The following CMIP variants were observed in gnomAD, a reference collection of about 807,000 sequenced individuals.
CMIP encodes the protein c-Maf inducing protein, also known as C-Maf-inducing protein.
Under a neutral mutation model 97.3 loss-of-function variants are expected in CMIP, and 13 were observed. The ratio of observed to expected loss-of-function variants is 0.13; its 90% confidence interval spans 0.09 to 0.21. The LOEUF is 0.21. Among genes scored for constraint, CMIP ranks in the 10% least tolerant of loss-of-function variants. The pLI, the probability that CMIP is intolerant of heterozygous loss-of-function variation, is 1.00. For synonymous variants in CMIP, 538 were observed against 436.3 expected, an observed-to-expected ratio of 1.23 and a Z score of -2.91; for missense variants, 847 against 1,024.9, an observed-to-expected ratio of 0.83 and a Z score of 2.37.
At chr16:81,696,512 C>A in intron 13 of CMIP, 48 bp from the exon 14 acceptor site, 1 of 1,556,672 alleles carries the variant, frequency 6.4e-7, no homozygotes, top group Non-Finnish European at 8.7e-7. Flanking sequence ...TCGCCCTTGT[C>A]ACCGGGGCTG....
At chr16:81,541,075 C>G (rs1309163486) in intron 1 of CMIP, among the ~76,000 whole-genome samples, 3 of 151,164 alleles carry the variant, frequency 2.0e-5, no homozygotes, top group Non-Finnish European at 4.4e-5. Context: ...TAAATAAACA[C>G]AATTCAATTA....
At position 81,691,299 on chromosome 16, in the gene CMIP, G is replaced by A. The variant is rs562579448; in HGVS notation, c.1389-476G>A. Among the ~76,000 whole-genome samples the A allele has an allele frequency of 7.9e-5, 12 of 152,256 alleles. No homozygotes were observed. The South Asian group carries it at 2.3e-3, about 29-fold the overall frequency. ...GAGTCCTGGCTGGTCTTTGCTCTGC[G>A]TGTCCGTGTTTCCTCTTCTTCTAAG... On this transcript the variant is annotated intron_variant, in intron 10 of 20. Coordinates refer to ENST00000537098, the MANE Select transcript of CMIP (RefSeq NM_198390.3).
chr16:81,694,995 C>A (rs1470953009), intron 13 of CMIP, among the ~76,000 whole-genome samples: 2 of 152,222 alleles, frequency 1.3e-5, no homozygotes, highest in South Asian at 2.1e-4. Context: ...CTCCTGGGAA[C>A]TGAGCCTTAA....
At chr16:81,490,151 G>GGAAC in intron 1 of CMIP, among the ~76,000 whole-genome samples, 1 of 152,290 alleles carries the variant, frequency 6.6e-6, no homozygotes, top group African/African-American at 2.4e-5. Context: ...TGTAGCTAAA[G>GGAAC]GTTCCTGTTC....
intron 6 of CMIP, 124 bp from the exon 7 acceptor site, chr16:81,664,145 C>T (rs2092577970): frequency 7.7e-6 from 6 of 775,262 alleles, no homozygotes; most frequent in South Asian, 1.9e-5. Flanking sequence ...GCAGTGCAGC[C>T]GTGTTCATCA....
chr16:81,686,623 A>G (rs185193902), intron 10 of CMIP, among the ~76,000 whole-genome samples: 28 of 152,324 alleles, frequency 1.8e-4, no homozygotes, highest in African/African-American at 6.7e-4. Flanking sequence ...CGCGTCTGGC[A>G]TCGGAGCCTT....
At chr16:81,692,808 C>T (rs143524870) in intron 11 of CMIP, among the ~76,000 whole-genome samples, 555 of 152,328 alleles carry the variant, frequency 3.6e-3, no homozygotes, top group Middle Eastern at 6.8e-3. Context: ...GAGTGCCGCC[C>T]GCCTTAATCG....
intron 1 of CMIP, among the ~76,000 whole-genome samples, chr16:81,514,264 G>A (rs2089868766): frequency 6.6e-6 from 1 of 152,214 alleles, no homozygotes. Context: ...CAGGCAGGGA[G>A]GAGGAGGGTG....
chr16:81,530,898 C>T (rs974560493), intron 1 of CMIP, among the ~76,000 whole-genome samples: 6 of 152,160 alleles, frequency 3.9e-5, no homozygotes, highest in Non-Finnish European at 7.3e-5. Flanking sequence ...ATTGGAAAAG[C>T]GAGCCCTGAG....
chr16:81,537,226 T>TA (rs1357462602), intron 1 of CMIP, among the ~76,000 whole-genome samples: 1 of 151,892 alleles, frequency 6.6e-6, no homozygotes, highest in African/African-American at 2.4e-5. Context: ...TCCTGAGAAA[T>TA]AAAGTTGGAT....
At chr16:81,498,375 T>C (rs1597477717) in intron 1 of CMIP, among the ~76,000 whole-genome samples, 1 of 152,210 alleles carries the variant, frequency 6.6e-6, no homozygotes, top group South Asian at 2.1e-4. Flanking sequence ...GGCACAGGCC[T>C]GAGTGAGATG....
At chr16:81,492,812 G>A (rs957389810) in intron 1 of CMIP, among the ~76,000 whole-genome samples, 10 of 152,100 alleles carry the variant, frequency 6.6e-5, no homozygotes, top group East Asian at 1.9e-4. Flanking sequence ...GGAAGTTGTC[G>A]TGGGGGGTCG....
chr16:81,580,321 G>C (rs1032981177), intron 1 of CMIP, among the ~76,000 whole-genome samples: 1 of 152,202 alleles, frequency 6.6e-6, no homozygotes, highest in African/African-American at 2.4e-5. Flanking sequence ...TGAGCTACAC[G>C]CTGGGCACTA....
intron 1 of CMIP, among the ~76,000 whole-genome samples, chr16:81,600,275 G>GAAAAAAA (rs71146022): frequency 1.2e-5 from 1 of 81,714 alleles, no homozygotes; most frequent in African/African-American, 5.0e-5. Flanking sequence ...GACTCCATCT[G>GAAAAAAA]AAAAAAAAAA....
intron 1 of CMIP, among the ~76,000 whole-genome samples, chr16:81,490,585 A>G (rs1340775906): frequency 6.6e-6 from 1 of 152,100 alleles, no homozygotes; most frequent in Admixed American, 6.5e-5. Flanking sequence ...ACGCCATCGC[A>G]CTCTAGCCTG....
At chr16:81,508,845 T>A (rs1429602800) in intron 1 of CMIP, among the ~76,000 whole-genome samples, 4 of 152,204 alleles carry the variant, frequency 2.6e-5, no homozygotes, top group Non-Finnish European at 5.9e-5. Flanking sequence ...TCAGGGCCCC[T>A]TCTGATGTAT....
At chr16:81,480,706 G>A (rs1440413712) in intron 1 of CMIP, among the ~76,000 whole-genome samples, 2 of 152,206 alleles carry the variant, frequency 1.3e-5, no homozygotes, top group Non-Finnish European at 2.9e-5. Flanking sequence ...TTTATGGGGT[G>A]CCAGCTGTAT....
In CMIP at chr16:81,458,329, C is replaced by T. The variant is rs182639616; in HGVS notation, c.300+12788C>T. ...CTGGAGTTGGCATGCAGGTTCTACCCGCAGGCTTGGTGAAGGGGGGTAGGG... is the reference window on the plus strand; with the variant it reads ...CTGGAGTTGGCATGCAGGTTCTACCTGCAGGCTTGGTGAAGGGGGGTAGGG... On this transcript the variant is annotated intron_variant, in intron 1 of 20. Transcript: ENST00000537098. 3.1e-3 allele frequency among the ~76,000 whole-genome samples: 467 copies of T among 152,270 alleles called. 1 individual carries two copies. Among genetic ancestry groups the T allele is most frequent in the African/African-American group, 0.01 (429 of 41,552 alleles).
chr16:81,544,941 G>A (rs1030789852), intron 1 of CMIP, among the ~76,000 whole-genome samples: 5 of 151,998 alleles, frequency 3.3e-5, no homozygotes, highest in African/African-American at 1.2e-4. Context: ...CATTTTTTTG[G>A]CAGAGAAGGC....
Sources: gnomAD v4.1 joint callset for allele counts (sites outside exome capture counted in the v4.1 genomes callset) on GRCh38, gnomAD v4.1.1 for gene constraint, MANE v1.5 for transcripts, NCBI Gene and HGNC (gene_info 2026-07-23, HGNC 2026-07-21) for gene names.